LRP1B: variants seen among roughly 807,000 people sequenced by gnomAD.
LRP1B encodes low-density lipoprotein receptor-related protein 1B.
In LRP1B, 217 loss-of-function variants were observed where a neutral mutation model predicts 556.6. That is an observed-to-expected ratio of 0.39 (90% CI 0.35 to 0.44). LRP1B has a LOEUF of 0.44. Among genes scored for constraint, LRP1B ranks in the 20% least tolerant of loss-of-function variants. LRP1B has a pLI of 1.00. For missense variants in LRP1B, 5,053 were observed against 5,620.8 expected (o/e 0.90, Z 3.23); for synonymous variants, 2,047 against 1,865.8 (o/e 1.10, Z -2.50).
intron 41 of LRP1B, among the ~76,000 whole-genome samples, chr2:140,630,914 A>G (rs580680): frequency 0.93 from 141,501 of 152,132 alleles, 66,668 homozygotes; most frequent in East Asian, 1. Flanking sequence ...TGATAACTGA[A>G]GTTTGGTCAC....
intron 35 of LRP1B, among the ~76,000 whole-genome samples, chr2:140,730,479 T>C (rs1192537481): frequency 6.6e-6 from 1 of 152,206 alleles, no homozygotes; most frequent in Non-Finnish European, 1.5e-5. Context: ...AACAAAAATA[T>C]AATTTTTAAA....
chr2:141,699,401 T>C (rs1311869838), intron 2 of LRP1B, among the ~76,000 whole-genome samples: 1 of 151,862 alleles, frequency 6.6e-6, no homozygotes, highest in African/African-American at 2.4e-5. Context: ...ACGTTTTCTT[T>C]AATAGTCACA....
At chr2:140,834,506 G>A (rs1691832274) in intron 31 of LRP1B, among the ~76,000 whole-genome samples, 1 of 152,162 alleles carries the variant, frequency 6.6e-6, no homozygotes, top group Admixed American at 6.5e-5. Context: ...CCAAAGTGCT[G>A]GGATTACAAG....
At chr2:141,304,537 T>C (rs1413453127) in intron 3 of LRP1B, among the ~76,000 whole-genome samples, 1 of 143,902 alleles carries the variant, frequency 6.9e-6, no homozygotes, top group Non-Finnish European at 1.5e-5. Context: ...TCAAGTACAG[T>C]GGCGTGATCT....
chr2:140,303,468 C>T (rs1384225308), intron 83 of LRP1B, among the ~76,000 whole-genome samples: 2 of 151,722 alleles, frequency 1.3e-5, no homozygotes, highest in African/African-American at 4.8e-5. Flanking sequence ...AGGCTGGTCT[C>T]GAATTCCTGA....
At position 140,432,052 on chromosome 2, in the gene LRP1B, C is replaced by T. The variant is rs541370937; in HGVS notation, c.10414+10452G>A. Among the ~76,000 whole-genome samples the T allele has an allele frequency of 8.5e-5, 13 of 152,272 alleles. No homozygotes were observed. In the South Asian group the frequency reaches 2.7e-3, roughly 32 times the overall value. ...CCCCTGTGACCTGCACTTACACATC[C>T]AGATGGCCGGTTCCCGCCTTAACTG... On this transcript the variant is annotated intron_variant, in intron 66 of 90. Transcript: ENST00000389484.
In LRP1B at chr2:141,294,570, AT is replaced by A. The variant is rs1274261075; in HGVS notation, c.344-39930del. ...AGACCCTGACTCTACAAAAAAAAAAATAAAGTAAAATAAAATAAAATTAGCT... is the reference window on the plus strand; with the variant it reads ...AGACCCTGACTCTACAAAAAAAAAAAAAAGTAAAATAAAATAAAATTAGCT... On this transcript the variant is annotated intron_variant, in intron 3 of 90. Transcript: ENST00000389484. Among the ~76,000 whole-genome samples the A allele has an allele frequency of 6.6e-5, 10 of 151,806 alleles. No homozygotes were observed. The South Asian group carries it at 1.7e-3, about 25-fold the overall frequency.
chr2:140,423,317 A>G (rs1332219162), intron 66 of LRP1B, among the ~76,000 whole-genome samples: 1 of 152,184 alleles, frequency 6.6e-6, no homozygotes, highest in East Asian at 1.9e-4. Context: ...AAATCTGGAC[A>G]ATACAAGCTC....
intron 59 of LRP1B, among the ~76,000 whole-genome samples, chr2:140,477,959 T>C (rs1481615380): frequency 6.6e-6 from 1 of 151,990 alleles, no homozygotes; most frequent in East Asian, 1.9e-4. Flanking sequence ...CTAATAAAAA[T>C]TTTTTACTAT....
At chr2:140,641,849 G>A (rs1173170352) in intron 41 of LRP1B, among the ~76,000 whole-genome samples, 1 of 152,162 alleles carries the variant, frequency 6.6e-6, no homozygotes, top group Non-Finnish European at 1.5e-5. Context: ...ATCTAAAAAT[G>A]AAAATAATAT....
intron 18 of LRP1B, among the ~76,000 whole-genome samples, chr2:140,975,673 GA>G (rs1390210999): frequency 2.0e-5 from 3 of 152,154 alleles, no homozygotes; most frequent in African/African-American, 7.2e-5. Flanking sequence ...CAAAGGAGTT[GA>G]AAGCAGTGCT....
chr2:142,117,651 C>A (rs1707321082), intron 1 of LRP1B, among the ~76,000 whole-genome samples: 1 of 151,794 alleles, frequency 6.6e-6, no homozygotes, highest in African/African-American at 2.4e-5. Flanking sequence ...AAGAGAGAGT[C>A]TGTGTATGTG....
chr2:140,978,759 A>T (rs1490907528), intron 18 of LRP1B, among the ~76,000 whole-genome samples: 1 of 152,188 alleles, frequency 6.6e-6, no homozygotes, highest in Non-Finnish European at 1.5e-5. Context: ...TCTGAAAGGT[A>T]AATGTGTGTT....
chr2:142,101,402 A>G (rs557622832), intron 1 of LRP1B, among the ~76,000 whole-genome samples: 1 of 152,176 alleles, frequency 6.6e-6, no homozygotes, highest in Non-Finnish European at 1.5e-5. Context: ...AAGACATGTT[A>G]GTATGTCTAT....
intron 2 of LRP1B, among the ~76,000 whole-genome samples, chr2:141,563,137 G>A (rs965971014): frequency 5.3e-5 from 8 of 151,974 alleles, no homozygotes; most frequent in Admixed American, 1.3e-4. Flanking sequence ...AATAAAACCA[G>A]TGTCATTTAC....
At position 140,232,533 on chromosome 2, in the gene LRP1B, CAT is replaced by C. The variant is rs1680516935; in HGVS notation, c.*651_*652del. On this transcript the variant is annotated 3_prime_UTR_variant, in exon 91 of 91. Coordinates refer to ENST00000389484, the MANE Select transcript of LRP1B (RefSeq NM_018557.3). ...CAAGGTGTATACATTTAGTACATCA[CAT>C]AGAGTCCACTAAGTTTTGGAAAATG... is the stretch of plus-strand genomic sequence containing the variant. The C allele has an allele frequency of 6.6e-6, 1 of 151,748 alleles. No individual in the cohort carries two copies. Among genetic ancestry groups the C allele is most frequent in the African/African-American group, 2.4e-5 (1 of 41,354 alleles). 9.4% of individuals were successfully genotyped at this position (151,748 alleles called of 1,614,324 possible). A position where few individuals can be genotyped will look rare whatever the true frequency, so the allele number is the denominator to read the frequency against.
intron 3 of LRP1B, among the ~76,000 whole-genome samples, chr2:141,345,156 T>G (rs1188273290): frequency 6.6e-6 from 1 of 151,686 alleles, no homozygotes; most frequent in East Asian, 1.9e-4. Flanking sequence ...CAGGTAGATT[T>G]TAGAAGCCAG....
intron 41 of LRP1B, among the ~76,000 whole-genome samples, chr2:140,660,106 C>A (rs59641835): frequency 0.077 from 11,760 of 151,926 alleles, 566 homozygotes; most frequent in African/African-American, 0.13. Context: ...TCCCTTACAA[C>A]AACCTATCAT....
intron 1 of LRP1B, among the ~76,000 whole-genome samples, chr2:141,850,577 G>GTGTA (rs919503070): frequency 1.6e-4 from 23 of 144,528 alleles, no homozygotes; most frequent in South Asian, 2.3e-4. Context: ...GTGTATATGT[G>GTGTA]TGTATGTATA....
Sources: allele counts gnomAD v4.1 joint callset (sites outside exome capture counted in the v4.1 genomes callset), GRCh38; gene constraint gnomAD v4.1.1; transcripts MANE v1.5; gene names NCBI Gene and HGNC (gene_info 2026-07-23, HGNC 2026-07-21).